The following CDKAL1 variants were observed in gnomAD, a reference collection of about 807,000 sequenced individuals.
CDKAL1 encodes threonylcarbamoyladenosine tRNA methylthiotransferase.
Under a neutral mutation model 68.2 loss-of-function variants are expected in CDKAL1, and 32 were observed. That is an observed-to-expected ratio of 0.47 (90% CI 0.35 to 0.63). The LOEUF is 0.63. Ranked by LOEUF, CDKAL1 falls within the 30% of genes least tolerant of loss-of-function variation. The pLI, the probability that CDKAL1 is intolerant of heterozygous loss-of-function variation, is 0.00. For synonymous variants in CDKAL1, 234 were observed against 244.3 expected (o/e 0.96, Z 0.39); for missense variants, 606 against 696.7 (o/e 0.87, Z 1.47).
intron 8 of CDKAL1, among the ~76,000 whole-genome samples, chr6:20,810,587 A>G (rs902887264): frequency 2.0e-5 from 3 of 150,554 alleles, no homozygotes; most frequent in Admixed American, 1.3e-4. Flanking sequence ...ACAGAGTGAG[A>G]CACTCTCTTT....
intron 13 of CDKAL1, among the ~76,000 whole-genome samples, chr6:21,191,794 A>G (rs1221261330): frequency 1.3e-5 from 2 of 149,608 alleles, no homozygotes; most frequent in African/African-American, 2.5e-5. Flanking sequence ...AGCTTTTCTC[A>G]TATCTTTTCA....
intron 9 of CDKAL1, among the ~76,000 whole-genome samples, chr6:20,861,599 T>C (rs887717811): frequency 5.9e-5 from 9 of 152,234 alleles, no homozygotes; most frequent in African/African-American, 2.2e-4. Flanking sequence ...TGGTAGACTA[T>C]TACTTGGTAG....
chr6:20,662,359 G>A (rs1769324338), intron 5 of CDKAL1, among the ~76,000 whole-genome samples: 1 of 152,072 alleles, frequency 6.6e-6, no homozygotes, highest in Non-Finnish European at 1.5e-5. Flanking sequence ...CTATGATCCT[G>A]GGAAATTGGA....
intron 8 of CDKAL1, among the ~76,000 whole-genome samples, chr6:20,816,617 A>T (rs1300400445): frequency 6.6e-6 from 1 of 152,138 alleles, no homozygotes; most frequent in East Asian, 1.9e-4. Context: ...TATATCTCTA[A>T]GTGAATAGAA....
chr6:20,964,840 A>T (rs928950695), intron 10 of CDKAL1, among the ~76,000 whole-genome samples: 1 of 152,192 alleles, frequency 6.6e-6, no homozygotes, highest in Non-Finnish European at 1.5e-5. Flanking sequence ...AACCACTGTC[A>T]TCATTTTTTC....
chr6:20,542,375 A>C (rs907057547), intron 2 of CDKAL1, among the ~76,000 whole-genome samples: 1 of 152,190 alleles, frequency 6.6e-6, no homozygotes, highest in Non-Finnish European at 1.5e-5. Flanking sequence ...CTCATCTGTC[A>C]TGGTATCCTT....
intron 10 of CDKAL1, among the ~76,000 whole-genome samples, chr6:20,992,613 G>A (rs1766889361): frequency 6.6e-6 from 1 of 152,054 alleles, no homozygotes; most frequent in African/African-American, 2.4e-5. Flanking sequence ...ATAAGGCTAG[G>A]CATGGTGGGC....
chr6:21,020,208 T>A (rs939483280), intron 11 of CDKAL1, among the ~76,000 whole-genome samples: 1 of 152,220 alleles, frequency 6.6e-6, no homozygotes, highest in Non-Finnish European at 1.5e-5. Context: ...TTCCTTCATT[T>A]TCATTTGCTT....
At chr6:20,879,622 C>T (rs984065745) in intron 9 of CDKAL1, among the ~76,000 whole-genome samples, 1 of 152,186 alleles carries the variant, frequency 6.6e-6, no homozygotes, top group Non-Finnish European at 1.5e-5. Context: ...ACCTTGTTCT[C>T]CTTTGTCACT....
chr6:21,228,804 G>A (rs1779849104), intron 15 of CDKAL1, among the ~76,000 whole-genome samples: 2 of 152,174 alleles, frequency 1.3e-5, no homozygotes, highest in South Asian at 4.1e-4. Flanking sequence ...ACATATATGT[G>A]AGTGCTGTCC....
At chr6:20,679,576 G>C (rs1770280526) in intron 5 of CDKAL1, among the ~76,000 whole-genome samples, 1 of 152,108 alleles carries the variant, frequency 6.6e-6, no homozygotes, top group Non-Finnish European at 1.5e-5. Flanking sequence ...GTTTTATTTA[G>C]ATTCTTCAAG....
intron 7 of CDKAL1, among the ~76,000 whole-genome samples, chr6:20,773,353 A>C (rs1013615136): frequency 3.3e-5 from 5 of 152,296 alleles, no homozygotes; most frequent in East Asian, 1.9e-4. Flanking sequence ...CTTTGACTAC[A>C]CTTTTGTTGT....
intron 9 of CDKAL1, among the ~76,000 whole-genome samples, chr6:20,939,950 A>G (rs1436880212): frequency 6.6e-6 from 1 of 152,212 alleles, no homozygotes; most frequent in Non-Finnish European, 1.5e-5. Flanking sequence ...CAATTTGTAG[A>G]TAGAAATGCT....
chr6:21,011,196 G>A (rs923136724), intron 11 of CDKAL1, among the ~76,000 whole-genome samples: 1 of 149,974 alleles, frequency 6.7e-6, no homozygotes, highest in African/African-American at 2.5e-5. Flanking sequence ...GGCTAACATG[G>A]TGAAACCCCA....
At chr6:20,550,860 CTTTTTTTT>C (rs70990044) in intron 4 of CDKAL1, among the ~76,000 whole-genome samples, 1 of 72,908 alleles carries the variant, frequency 1.4e-5, no homozygotes, top group African/African-American at 6.5e-5. Flanking sequence ...GAGGTTGTGT[CTTTTTTTT>C]TTTTTTTTTT....
At chr6:20,850,010 AT>A (rs1758927115) in intron 9 of CDKAL1, among the ~76,000 whole-genome samples, 1 of 152,206 alleles carries the variant, frequency 6.6e-6, no homozygotes, top group Non-Finnish European at 1.5e-5. Flanking sequence ...AGTAACCATA[AT>A]AGAAGAAATG....
chr6:20,831,385 T>C (rs1777711734), intron 8 of CDKAL1, among the ~76,000 whole-genome samples: 1 of 150,506 alleles, frequency 6.6e-6, no homozygotes, highest in Non-Finnish European at 1.5e-5. Flanking sequence ...CATTCAACTT[T>C]TGAAGCGTTG....
intron 10 of CDKAL1, among the ~76,000 whole-genome samples, chr6:20,970,937 C>G (rs1462242988): frequency 6.6e-6 from 1 of 152,220 alleles, no homozygotes; most frequent in Non-Finnish European, 1.5e-5. Context: ...CAACCTCTGC[C>G]TCCCAGATTC....
intron 6 of CDKAL1, among the ~76,000 whole-genome samples, chr6:20,747,089 G>C (rs150607251): frequency 6.6e-6 from 1 of 151,952 alleles, no homozygotes; most frequent in Non-Finnish European, 1.5e-5. Context: ...TTGAAATCAT[G>C]CATTTTTTTT....
Sources: gnomAD v4.1 joint callset for allele counts (sites outside exome capture counted in the v4.1 genomes callset) on GRCh38, gnomAD v4.1.1 for gene constraint, MANE v1.5 for transcripts, NCBI Gene and HGNC (gene_info 2026-07-23, HGNC 2026-07-21) for gene names.